The following ABCA12 variants were observed in gnomAD, a reference collection of about 807,000 sequenced individuals.
ABCA12 encodes the protein glucosylceramide transporter ABCA12.
In ABCA12, 156 loss-of-function variants were observed where a neutral mutation model predicts 293.5. That is an observed-to-expected ratio of 0.53 (90% confidence interval 0.47 to 0.61). The LOEUF is 0.61. ABCA12 is among the 20% of genes least tolerant of loss of function. The pLI, the probability that ABCA12 is intolerant of heterozygous loss-of-function variation, is 0.00. For synonymous variants in ABCA12, 1,063 were observed against 1,108.0 expected (o/e 0.96, Z 0.81); for missense variants, 2,797 against 3,090.2 (o/e 0.91, Z 2.25).
intron 39 of ABCA12, among the ~76,000 whole-genome samples, chr2:214,964,184 C>T (rs943832359): frequency 1.3e-5 from 2 of 152,016 alleles, no homozygotes; most frequent in African/African-American, 4.8e-5. Flanking sequence ...AATTCAGCAT[C>T]CCTTTTGTTA....
chr2:215,052,392 G>T, intron 5 of ABCA12, 95 bp downstream of exon 5: 1 of 1,023,292 alleles, frequency 9.8e-7, no homozygotes. Context: ...AATAGGAAAG[G>T]TGCTCCAAAC....
chr2:215,049,917 A>G, intron 5 of ABCA12, 106 bp from the exon 6 acceptor site: 1 of 1,027,278 alleles, frequency 9.7e-7, no homozygotes, highest in Non-Finnish European at 1.5e-6. Context: ...AGCCATTTTG[A>G]GGTCCTCCAT....
chr2:215,052,518 T>G lies in ABCA12; in HGVS notation c.476A>C (p.Gln159Pro), dbSNP rs764668399. The G allele has an allele frequency of 1.2e-5, 19 of 1,612,582 alleles. No homozygotes were observed. The East Asian group carries it at 4.2e-4, about 36-fold the overall frequency. The change falls in exon 5 of 53, where the codon CAA (glutamine) becomes CCA (proline). Residue 159 changes from glutamine to proline, a missense_variant. Gln to Pro is a moderately conservative substitution (Grantham distance 76). Transcript: ENST00000272895. ...CAAGCCAAGAATTCGTGCGAGCACT[T>G]GACTGCCATTGAAAGTATATGTTCC... ...IPGTYTFNGS[Q>P]VLARILGLEK...
At chr2:215,073,816 C>G (rs748519230) in intron 2 of ABCA12, among the ~76,000 whole-genome samples, 10 of 152,156 alleles carry the variant, frequency 6.6e-5, no homozygotes, top group Non-Finnish European at 1.3e-4. Context: ...AATTCCTCTC[C>G]TGTTACTATG....
rs146834697 is a variant in ABCA12 at position 214,934,127 on chromosome 2, G to A, written c.7631C>T (p.Thr2544Ile). The stretch of plus-strand genomic sequence containing the variant: ...TAAGAAATTTGTAATATTTAAAGCA[G>A]TCTTGTTGGTTTCCAGCAGATCAAA... ...NIFDLLETNK[T>I]ALNITNFLVS... Residue 2544 changes from threonine (T) to isoleucine (I), a missense_variant, in exon 52 of 53, where the codon ACT becomes ATT. Thr to Ile is a moderately conservative substitution (Grantham distance 89). Around this residue, in one of 3 missense-constraint regions of ABCA12, gnomAD observed 2,130 missense variants for 2,427.0 expected, o/e 0.88. Coordinates refer to ENST00000272895, the MANE Select transcript of ABCA12 (RefSeq NM_173076.3). 2.3e-3 allele frequency: 3,706 copies of A among 1,613,732 alleles called. 15 individuals are homozygous for A. The highest frequency in any genetic ancestry group is 5.4e-3 in the Middle Eastern group (33 of 6,058).
chr2:214,987,516 G>A (rs1699813482), intron 27 of ABCA12, 131 bp downstream of exon 27: 4 of 1,208,350 alleles, frequency 3.3e-6, no homozygotes, highest in East Asian at 5.1e-5. Flanking sequence ...AGACGCATGT[G>A]TAGACATTTT....
intron 8 of ABCA12, among the ~76,000 whole-genome samples, chr2:215,033,866 G>A (rs552142363): frequency 9.2e-5 from 14 of 152,018 alleles, no homozygotes; most frequent in South Asian, 6.2e-4. Context: ...GCGTGAACCC[G>A]GGAGGTGGAG....
intron 36 of ABCA12, among the ~76,000 whole-genome samples, chr2:214,972,093 CTT>C (rs368601080): frequency 1.3e-5 from 2 of 152,048 alleles, no homozygotes; most frequent in African/African-American, 2.4e-5. Context: ...TGTTATTTAT[CTT>C]TTTCTCATTG....
At chr2:215,066,800 GTTAT>G (rs1402487620) in intron 2 of ABCA12, among the ~76,000 whole-genome samples, 3 of 152,034 alleles carry the variant, frequency 2.0e-5, no homozygotes, top group South Asian at 2.1e-4. Context: ...GATGGCTTGC[GTTAT>G]TTGTTTTGCC....
chr2:215,048,711 C>CA (rs1317545417), intron 6 of ABCA12, among the ~76,000 whole-genome samples: 7 of 151,800 alleles, frequency 4.6e-5, no homozygotes, highest in Admixed American at 2.6e-4. Flanking sequence ...TCAGAAAAAA[C>CA]AAAAAACAAA....
intron 1 of ABCA12, among the ~76,000 whole-genome samples, chr2:215,129,757 T>C (rs1334707871): frequency 1.3e-5 from 2 of 152,214 alleles, no homozygotes; most frequent in Admixed American, 1.3e-4. Flanking sequence ...TGTCTATTTT[T>C]GCTTTGTTGC....
intron 2 of ABCA12, among the ~76,000 whole-genome samples, chr2:215,075,083 C>A (rs547125504): frequency 6.6e-6 from 1 of 152,094 alleles, no homozygotes; most frequent in African/African-American, 2.4e-5. Flanking sequence ...GTATTTACCC[C>A]CCACCACCAA....
intron 37 of ABCA12, among the ~76,000 whole-genome samples, chr2:214,969,849 C>T (rs1250546033): frequency 6.6e-6 from 1 of 152,008 alleles, no homozygotes; most frequent in Non-Finnish European, 1.5e-5. Flanking sequence ...GGCTTAAGTA[C>T]AAGCACATTT....
intron 11 of ABCA12, chr2:215,022,205 A>G (rs1233394454): frequency 6.6e-6 from 1 of 152,202 alleles, no homozygotes; most frequent in Non-Finnish European, 1.5e-5. Context: ...AGATACTGAA[A>G]TATGTTTTTT....
rs547784882 is a variant in ABCA12 at position 215,065,099 on chromosome 2, TA to T, written c.164-881del. Among the ~76,000 whole-genome samples the T allele has an allele frequency of 1.3e-3, 197 of 151,832 alleles. 4 individuals carry two copies. The highest frequency in any genetic ancestry group is 8.8e-5 in the Non-Finnish European group (6 of 67,906). Reference sequence around the variant, plus strand: ...GTTTTGTAAACTTTAACATTTCCTTTATAAAATACGATGATGGCATACACAC... The same window carrying T: ...GTTTTGTAAACTTTAACATTTCCTTTTAAAATACGATGATGGCATACACAC... On this transcript the variant is annotated intron_variant, in intron 2 of 52. Transcript: ENST00000272895.
At chr2:214,981,396 T>G (rs1184524118) in intron 30 of ABCA12, among the ~76,000 whole-genome samples, 2 of 152,224 alleles carry the variant, frequency 1.3e-5, no homozygotes, top group Non-Finnish European at 2.9e-5. Flanking sequence ...ATTACTCCGT[T>G]GCTTCACATC....
At chr2:214,933,931 A>G in intron 52 of ABCA12, 147 bp downstream of exon 52, 1 of 793,456 alleles carries the variant, frequency 1.3e-6, no homozygotes, top group Non-Finnish European at 2.0e-6. Context: ...TGAGAAATTG[A>G]TTAGGCTCTT....
Position 214,974,811 on chromosome 2 carries a change from C to G in ABCA12, c.5435G>C (p.Gly1812Ala). 1 of 1,614,042 alleles carries G rather than the reference C, an allele frequency of 6.2e-7. No homozygotes were observed. Among genetic ancestry groups the G allele is most frequent in the East Asian group, 2.2e-5 (1 of 44,868 alleles). Residue 1812 changes from glycine (G) to alanine (A), a missense_variant, in exon 35 of 53, where the codon GGA (glycine) becomes GCA (alanine). Coordinates refer to ENST00000272895, the MANE Select transcript of ABCA12 (RefSeq NM_173076.3). ...GGTGTTCAGACACATGTTGTCAATT[C>G]CAGGGAAGTCCCACATTGCTGAGAC... The part of the protein sequence containing the change: ...ALVSAMWDFP[G>A]IDNMCLNTSD...
At chr2:215,071,535 A>C (rs1297997383) in intron 2 of ABCA12, among the ~76,000 whole-genome samples, 2 of 152,238 alleles carry the variant, frequency 1.3e-5, no homozygotes, top group African/African-American at 2.4e-5. Context: ...AAAGAGACTG[A>C]GAATTTGAAA....
Sources: allele counts gnomAD v4.1 joint callset (sites outside exome capture counted in the v4.1 genomes callset), GRCh38; gene constraint gnomAD v4.1.1; regional missense constraint gnomAD v4.1.1; transcripts MANE v1.5; gene names NCBI Gene and HGNC (gene_info 2026-07-23, HGNC 2026-07-21).